Variants in BLTP1 observed in about 807,000 individuals in gnomAD.
BLTP1 encodes fragile site-associated protein.
the BLTP1 span, chr4:122,280,084 A>G: frequency 6.4e-7 from 1 of 1,574,718 alleles, no homozygotes; most frequent in African/African-American, 1.3e-5. Flanking sequence ...GGTTACTTCT[A>G]AGTATCGACC....
the BLTP1 span, chr4:122,235,012 A>G: frequency 2.7e-5 from 44 of 1,600,740 alleles, no homozygotes; most frequent in South Asian, 5.6e-5. Flanking sequence ...GAAATTCCCA[A>G]AATTATAGAT....
chr4:122,207,303 C>A, the BLTP1 span: 1 of 1,537,504 alleles, frequency 6.5e-7, no homozygotes, highest in South Asian at 1.2e-5. Context: ...ATATTTCTCT[C>A]ATTAAGGCAA....
the BLTP1 span, among the ~76,000 whole-genome samples, chr4:122,252,353 T>C: frequency 1.3e-5 from 2 of 152,144 alleles, no homozygotes; most frequent in African/African-American, 4.8e-5. Context: ...GCTCTTGGGG[T>C]ACCTGATTTC....
At chr4:122,221,003 A>C in the BLTP1 span, 1 of 694,916 alleles carries the variant, frequency 1.4e-6, no homozygotes, top group Non-Finnish European at 1.8e-6. Flanking sequence ...GGTAGATTAT[A>C]ATTTTATTAT....
the BLTP1 span, chr4:122,254,511 A>G: frequency 2.7e-5 from 25 of 925,766 alleles, no homozygotes; most frequent in Non-Finnish European, 3.2e-5. Flanking sequence ...CATTAGTCTT[A>G]CCTTGTTTGA....
the BLTP1 span, chr4:122,258,586 A>G: frequency 9.0e-6 from 12 of 1,331,086 alleles, no homozygotes; most frequent in African/African-American, 1.5e-4. Flanking sequence ...AATAATAAAT[A>G]TTTGTCAAGG....
the BLTP1 span, among the ~76,000 whole-genome samples, chr4:122,252,018 T>C: frequency 6.6e-6 from 1 of 152,106 alleles, no homozygotes; most frequent in Non-Finnish European, 1.5e-5. Flanking sequence ...AGACCCTAGC[T>C]CCTGGACAAC....
the BLTP1 span, chr4:122,244,752 C>A: frequency 2.1e-6 from 1 of 478,220 alleles, no homozygotes; most frequent in Non-Finnish European, 2.7e-6. Context: ...ATGAAGAACA[C>A]AGGAAATCTT....
chr4:122,275,828 C>G, the BLTP1 span: 2 of 949,826 alleles, frequency 2.1e-6, no homozygotes, highest in Non-Finnish European at 2.8e-6. Context: ...AAAAATGGTT[C>G]AAATGGTACT....
the BLTP1 span, among the ~76,000 whole-genome samples, chr4:122,321,725 T>G: frequency 6.6e-6 from 1 of 151,922 alleles, no homozygotes; most frequent in East Asian, 1.9e-4. Flanking sequence ...ATAAAACTTC[T>G]TTTAACATTG....
At chr4:122,348,487 T>C in the BLTP1 span, 5 of 1,175,788 alleles carry the variant, frequency 4.3e-6, no homozygotes, top group African/African-American at 3.1e-5. Context: ...TTTTGGATTA[T>C]AGCAATAAAA....
chr4:122,152,345 C>T, the BLTP1 span: 3 of 985,736 alleles, frequency 3.0e-6, no homozygotes, highest in Non-Finnish European at 3.6e-6. Context: ...TGCCGCCCGG[C>T]CTCGGTTGGG....
chr4:122,178,335 G>A, the BLTP1 span, among the ~76,000 whole-genome samples: 1 of 152,136 alleles, frequency 6.6e-6, no homozygotes, highest in Non-Finnish European at 1.5e-5. Context: ...TGATTATTAG[G>A]CATACACTTT....
chr4:122,266,216 A>G, the BLTP1 span, among the ~76,000 whole-genome samples: 1 of 152,180 alleles, frequency 6.6e-6, no homozygotes, highest in Non-Finnish European at 1.5e-5. Context: ...AATTCAGTTA[A>G]CTAGAGATTT....
At chr4:122,238,179 A>G in the BLTP1 span, 1 of 1,613,924 alleles carries the variant, frequency 6.2e-7, no homozygotes, top group Non-Finnish European at 8.5e-7. Context: ...CTTAGTCTTC[A>G]AGTACCATTA....
At chr4:122,262,392 T>A in the BLTP1 span, among the ~76,000 whole-genome samples, 1 of 152,180 alleles carries the variant, frequency 6.6e-6, no homozygotes, top group Non-Finnish European at 1.5e-5. Context: ...TCCTTAGGTA[T>A]GAATAGTGCT....
chr4:122,258,085 G>A, the BLTP1 span, among the ~76,000 whole-genome samples: 1 of 152,062 alleles, frequency 6.6e-6, no homozygotes, highest in African/African-American at 2.4e-5. Flanking sequence ...TCAACAAAAT[G>A]GCTGTGTCAG....
the BLTP1 span, chr4:122,243,097 G>A: frequency 1.2e-6 from 2 of 1,603,440 alleles, no homozygotes; most frequent in East Asian, 2.2e-5. Flanking sequence ...CTTTTAAAGT[G>A]TCTTCCTTGA....
At chr4:122,266,703 AG>A in the BLTP1 span, 1 of 1,295,756 alleles carries the variant, frequency 7.7e-7, no homozygotes, top group African/African-American at 1.5e-5. Flanking sequence ...AAGAAATAAA[AG>A]CTGCATTTTC....
Sources: allele counts gnomAD v4.1 joint callset (sites outside exome capture counted in the v4.1 genomes callset), GRCh38; gene constraint gnomAD v4.1.1; transcripts MANE v1.5; gene names NCBI Gene and HGNC (gene_info 2026-07-23, HGNC 2026-07-21).